The following OPCML variants were observed in gnomAD, a reference collection of about 807,000 sequenced individuals.
OPCML encodes opioid-binding protein/cell adhesion molecule.
In OPCML, 13 loss-of-function variants were observed where a neutral mutation model predicts 37.8. The ratio of observed to expected loss-of-function variants is 0.34; its 90% CI spans 0.22 to 0.55. OPCML has a LOEUF of 0.55. Among genes scored for constraint, OPCML ranks in the 20% least tolerant of loss-of-function variants. The probability of loss-of-function intolerance (pLI) is 0.91; values close to 1 mark genes in which losing one functional copy is unlikely to be tolerated. For missense variants in OPCML, 341 were observed against 435.6 expected, an observed-to-expected ratio of 0.78 and a Z score of 1.93; for synonymous variants, 176 against 168.8, an observed-to-expected ratio of 1.04 and a Z score of -0.33.
At chr11:133,332,127 T>C (rs1943633009) in intron 1 of OPCML, among the ~76,000 whole-genome samples, 1 of 152,228 alleles carries the variant, frequency 6.6e-6, no homozygotes, top group African/African-American at 2.4e-5. Context: ...GTAATTCTCA[T>C]TGTAGAGACC....
At chr11:132,866,335 G>T (rs57023956) in intron 2 of OPCML, among the ~76,000 whole-genome samples, 14,432 of 152,270 alleles carry the variant, frequency 0.095, 760 homozygotes, top group Middle Eastern at 0.17. Flanking sequence ...AGCGCATCAT[G>T]AAATCATCAA....
intron 1 of OPCML, among the ~76,000 whole-genome samples, chr11:132,977,170 G>T (rs1238964645): frequency 6.6e-6 from 1 of 152,180 alleles, no homozygotes; most frequent in East Asian, 1.9e-4. Flanking sequence ...ATGTGAAAGT[G>T]TTTTGTCATT....
At chr11:132,609,910 A>C (rs1938539114) in intron 3 of OPCML, among the ~76,000 whole-genome samples, 1 of 152,350 alleles carries the variant, frequency 6.6e-6, no homozygotes, top group African/African-American at 2.4e-5. Flanking sequence ...ATGAGAATAA[A>C]GGAAAAATAA....
chr11:133,520,772 G>A (rs1948381345), intron 1 of OPCML, among the ~76,000 whole-genome samples: 1 of 152,156 alleles, frequency 6.6e-6, no homozygotes, highest in Non-Finnish European at 1.5e-5. Flanking sequence ...TTCACTTGAG[G>A]CTCCGTGTTG....
chr11:133,038,559 C>G (rs2136939581), intron 1 of OPCML, among the ~76,000 whole-genome samples: 1 of 152,230 alleles, frequency 6.6e-6, no homozygotes, highest in South Asian at 2.1e-4. Flanking sequence ...ATGCCAGGCT[C>G]TAGCCCAGAG....
chr11:132,724,779 G>A (rs926163670), intron 2 of OPCML, among the ~76,000 whole-genome samples: 2 of 152,156 alleles, frequency 1.3e-5, no homozygotes, highest in South Asian at 2.1e-4. Context: ...CATTCCAAAC[G>A]GAAGAAATTG....
intron 1 of OPCML, among the ~76,000 whole-genome samples, chr11:132,999,526 A>T (rs1565390088): frequency 6.6e-6 from 1 of 150,606 alleles, no homozygotes; most frequent in South Asian, 2.1e-4. Flanking sequence ...TATTTGTTTG[A>T]TATTAAAAGA....
chr11:133,422,553 T>A (rs1945914179), intron 1 of OPCML: 1 of 956,036 alleles, frequency 1.0e-6, no homozygotes, highest in Non-Finnish European at 1.2e-6. Context: ...CAGGCTGGAG[T>A]GCAGCGGTGC....
At chr11:133,215,711 G>A (rs1195677544) in intron 1 of OPCML, among the ~76,000 whole-genome samples, 1 of 152,106 alleles carries the variant, frequency 6.6e-6, no homozygotes, top group Non-Finnish European at 1.5e-5. Flanking sequence ...GCAGAACCCA[G>A]GTCACACTGA....
chr11:133,053,578 A>G (rs1023621629), intron 1 of OPCML, among the ~76,000 whole-genome samples: 5 of 152,172 alleles, frequency 3.3e-5, no homozygotes, highest in African/African-American at 1.2e-4. Context: ...ACAATGATGA[A>G]ATTTCCTCTT....
At chr11:132,948,649 C>T (rs375964999) in intron 1 of OPCML, among the ~76,000 whole-genome samples, 25 of 152,138 alleles carry the variant, frequency 1.6e-4, no homozygotes, top group African/African-American at 5.8e-4. Flanking sequence ...CCTAGGATAT[C>T]AAAGCATCAT....
intron 1 of OPCML, among the ~76,000 whole-genome samples, chr11:133,202,565 TG>T (rs748340393): frequency 3.9e-5 from 6 of 152,366 alleles, no homozygotes; most frequent in African/African-American, 1.4e-4. Flanking sequence ...TCCCTCATTT[TG>T]CCCAAGTACC....
intron 3 of OPCML, among the ~76,000 whole-genome samples, chr11:132,624,846 G>T (rs563892710): frequency 1.4e-4 from 21 of 151,956 alleles, no homozygotes; most frequent in African/African-American, 4.8e-4. Flanking sequence ...AACATGCCAC[G>T]TTATTAGGGT....
intron 2 of OPCML, among the ~76,000 whole-genome samples, chr11:132,925,999 T>C (rs761079580): frequency 5.9e-5 from 9 of 152,334 alleles, no homozygotes; most frequent in Non-Finnish European, 1.0e-4. Context: ...TTGCCATCCC[T>C]GTCCCTGGAA....
chr11:133,421,668 C>A (rs1449209177), intron 1 of OPCML: 2 of 985,088 alleles, frequency 2.0e-6, no homozygotes, highest in African/African-American at 3.5e-5. Context: ...CTAAATGAAC[C>A]CTTTATTTAT....
chr11:133,465,469 T>G (rs1946953794), intron 1 of OPCML, among the ~76,000 whole-genome samples: 2 of 152,124 alleles, frequency 1.3e-5, no homozygotes, highest in South Asian at 4.1e-4. Context: ...TAGATGAGTT[T>G]TAGTTCATTT....
At chr11:132,680,090 C>T (rs534870660) in intron 2 of OPCML, among the ~76,000 whole-genome samples, 1 of 152,282 alleles carries the variant, frequency 6.6e-6, no homozygotes, top group South Asian at 2.1e-4. Flanking sequence ...AGTGCAATTT[C>T]CCATGTCACT....
chr11:133,026,578 C>A, intron 1 of OPCML: 2 of 985,158 alleles, frequency 2.0e-6, no homozygotes, highest in Middle Eastern at 5.2e-4. Flanking sequence ...CTAGGTGAAA[C>A]TGTGATTCTT....
At chr11:132,460,147 C>T (rs1046089918) in intron 4 of OPCML, among the ~76,000 whole-genome samples, 5 of 151,882 alleles carry the variant, frequency 3.3e-5, no homozygotes, top group East Asian at 1.9e-4. Flanking sequence ...AAAACTCATG[C>T]GTTCCAGGGT....
Sources: allele counts gnomAD v4.1 joint callset (sites outside exome capture counted in the v4.1 genomes callset), GRCh38; gene constraint gnomAD v4.1.1; transcripts MANE v1.5; gene names NCBI Gene and HGNC (gene_info 2026-07-23, HGNC 2026-07-21).